The following TAFA2 variants were observed in gnomAD, a reference collection of about 807,000 sequenced individuals.
TAFA2 encodes chemokine-like protein TAFA-2.
TAFA2 carries 7 observed loss-of-function variants against 18.8 expected under a neutral mutation model. The ratio of observed to expected loss-of-function variants is 0.37; its 90% CI spans 0.21 to 0.70. The LOEUF is 0.70. Ranked by LOEUF, TAFA2 falls within the 30% of genes least tolerant of loss-of-function variation. The probability of loss-of-function intolerance (pLI) is 0.53; values close to 1 mark genes in which losing one functional copy is unlikely to be tolerated. For synonymous variants in TAFA2, 60 were observed against 54.2 expected (o/e 1.11, Z -0.47); for missense variants, 122 against 158.1 (o/e 0.77, Z 1.23).
At chr12:61,959,200 A>C (rs916337294) in intron 1 of TAFA2, among the ~76,000 whole-genome samples, 1 of 151,984 alleles carries the variant, frequency 6.6e-6, no homozygotes, top group Non-Finnish European at 1.5e-5. Flanking sequence ...ATTTCACCCA[A>C]TTAAAAAATT....
In TAFA2 at chr12:61,868,569, T is replaced by G. The variant is rs377540690; in HGVS notation, c.-1-1143A>C. Among the ~76,000 whole-genome samples, 3 of 152,142 alleles carry G rather than the reference T, an allele frequency of 2.0e-5. No homozygotes were observed. The East Asian group carries it at 5.8e-4, about 29-fold the overall frequency. On this transcript the variant is annotated intron_variant, in intron 1 of 4. Transcript: ENST00000416284. ...TCCTCTTGTATTTTCTAGGTTACCC[T>G]TTTTTGTACATTTTTACCTCCAAAA...
In TAFA2 at chr12:62,222,557, G is replaced by A. The variant is rs146834334; in HGVS notation, c.-130+36206C>T. Among the ~76,000 whole-genome samples the A allele has an allele frequency of 6.8e-4, 103 of 152,058 alleles. No individual in the cohort carries two copies. The East Asian group carries it at 0.015, about 22-fold the overall frequency. ...GAGTCTTGCTCTGTCGCCCAGGCTG[G>A]AGTGCCGTGATGCGATCTCGGCTCA... is the stretch of plus-strand genomic sequence containing the variant. On this transcript the variant is annotated intron_variant, in intron 1 of 5. Coordinates refer to the TAFA2 transcript ENST00000551619.
chr12:61,928,440 G>T (rs1214297771), intron 1 of TAFA2, among the ~76,000 whole-genome samples: 1 of 152,194 alleles, frequency 6.6e-6, no homozygotes, highest in African/African-American at 2.4e-5. Context: ...GGTCATTAGA[G>T]AAATCCAAAT....
chr12:61,763,536 G>T (rs1869652868), intron 2 of TAFA2, among the ~76,000 whole-genome samples: 1 of 151,846 alleles, frequency 6.6e-6, no homozygotes. Context: ...GGAATAAGTG[G>T]ACCCTTTATA....
chr12:61,940,015 A>G (rs1054580335), intron 1 of TAFA2, among the ~76,000 whole-genome samples: 2 of 152,230 alleles, frequency 1.3e-5, no homozygotes, highest in Non-Finnish European at 2.9e-5. Context: ...TAATGTATTT[A>G]AAGCCAATAG....
At chr12:61,909,594 G>T (rs190735924) in intron 1 of TAFA2, among the ~76,000 whole-genome samples, 1 of 152,256 alleles carries the variant, frequency 6.6e-6, no homozygotes, top group Non-Finnish European at 1.5e-5. Context: ...GTAAGGATAA[G>T]GCAGCCAGTA....
intron 1 of TAFA2, chr12:61,890,485 GTTACACC>G (rs1284345267): frequency 6.6e-6 from 1 of 152,234 alleles, no homozygotes; most frequent in East Asian, 1.9e-4. Context: ...GCTAATGAAT[GTTACACC>G]TCACTGGGAA....
chr12:62,232,909 T>G (rs2062818125), intron 1 of TAFA2, among the ~76,000 whole-genome samples: 1 of 151,962 alleles, frequency 6.6e-6, no homozygotes, highest in Non-Finnish European at 1.5e-5. Context: ...AAAGACTTAT[T>G]TCTCCTCCAA....
intron 4 of TAFA2, among the ~76,000 whole-genome samples, chr12:61,720,290 G>A (rs1418108901): frequency 6.6e-6 from 1 of 152,118 alleles, no homozygotes; most frequent in Non-Finnish European, 1.5e-5. Flanking sequence ...AAGTCTGATG[G>A]CTCAGTACTT....
At chr12:62,225,581 A>G (rs1048326192) in intron 1 of TAFA2, among the ~76,000 whole-genome samples, 9 of 152,206 alleles carry the variant, frequency 5.9e-5, no homozygotes, top group African/African-American at 2.2e-4. Context: ...AGCTATTGCA[A>G]CATACAAATA....
chr12:62,018,491 G>A (rs1207714414), intron 1 of TAFA2, among the ~76,000 whole-genome samples: 1 of 151,974 alleles, frequency 6.6e-6, no homozygotes, highest in Admixed American at 6.6e-5. Flanking sequence ...CAGAACAGAG[G>A]CCTCAGAAAT....
At chr12:62,167,501 G>A (rs1022933862) in intron 1 of TAFA2, among the ~76,000 whole-genome samples, 1 of 152,104 alleles carries the variant, frequency 6.6e-6, no homozygotes, top group Admixed American at 6.6e-5. Flanking sequence ...AATTATATTG[G>A]TGTCATTGAT....
chr12:62,147,318 GTATGTATGTATATATATATA>G lies in TAFA2; in HGVS notation c.-2+43921_-2+43940del, dbSNP rs1286189430. Reference sequence around the variant, plus strand: ...TATATGTATGCATGTGTGTGTGTGTGTATGTATGTATATATATATATATATATATATATATATATATATAT... The same window carrying G: ...TATATGTATGCATGTGTGTGTGTGTGTATATATATATATATATATATATAT... On this transcript the variant is annotated intron_variant, in intron 1 of 4. Transcript: ENST00000416284. Among the ~76,000 whole-genome samples, 148 of 87,628 alleles carry G rather than the reference GTATGTATGTATATATATATA, an allele frequency of 1.7e-3. 4 individuals carry two copies. The highest frequency in any genetic ancestry group is 5.0e-3 in the African/African-American group (100 of 20,152). 57.5% of individuals were successfully genotyped at this position (87,628 alleles called of 152,430 possible). A position where few individuals can be genotyped will look rare whatever the true frequency, so the allele number is the denominator to read the frequency against.
chr12:62,099,103 A>G (rs1012257075), intron 1 of TAFA2, among the ~76,000 whole-genome samples: 1 of 152,168 alleles, frequency 6.6e-6, no homozygotes, highest in African/African-American at 2.4e-5. Context: ...CCATGACAGA[A>G]AGAGACTTGT....
intron 1 of TAFA2, among the ~76,000 whole-genome samples, chr12:62,033,575 C>A (rs1241540521): frequency 6.6e-6 from 1 of 152,138 alleles, no homozygotes; most frequent in Non-Finnish European, 1.5e-5. Context: ...TCCCTAATTG[C>A]TAGTCCAAGA....
intron 2 of TAFA2, among the ~76,000 whole-genome samples, chr12:61,822,340 A>G (rs1872355341): frequency 6.6e-6 from 1 of 152,184 alleles, no homozygotes; most frequent in Admixed American, 6.5e-5. Flanking sequence ...ATTTTCTATG[A>G]CATTTTAAAT....
At chr12:62,006,431 T>C (rs1435773815) in intron 1 of TAFA2, among the ~76,000 whole-genome samples, 1 of 152,148 alleles carries the variant, frequency 6.6e-6, no homozygotes, top group African/African-American at 2.4e-5. Flanking sequence ...CTACAAATGA[T>C]TGATTTAGAA....
At chr12:62,007,161 G>A (rs1261109068) in intron 1 of TAFA2, among the ~76,000 whole-genome samples, 1 of 151,966 alleles carries the variant, frequency 6.6e-6, no homozygotes, top group African/African-American at 2.4e-5. Flanking sequence ...GGAGCATGCT[G>A]AGCATGTCAT....
chr12:61,905,535 T>C (rs1435614824), intron 1 of TAFA2, among the ~76,000 whole-genome samples: 1 of 152,220 alleles, frequency 6.6e-6, no homozygotes, highest in Non-Finnish European at 1.5e-5. Context: ...TAATATTTTT[T>C]GTAAATGAAT....
Sources: allele counts gnomAD v4.1 joint callset (sites outside exome capture counted in the v4.1 genomes callset), GRCh38; gene constraint gnomAD v4.1.1; transcripts MANE v1.5; gene names NCBI Gene and HGNC (gene_info 2026-07-23, HGNC 2026-07-21).